Variants in HIF1A observed in about 807,000 individuals in gnomAD.
The protein encoded by HIF1A is hypoxia inducible factor 1 subunit alpha.
Under a neutral mutation model 92.7 loss-of-function variants are expected in HIF1A, and 24 were observed. The ratio of observed to expected loss-of-function variants is 0.26; its 90% confidence interval spans 0.19 to 0.36. The LOEUF is 0.36. Ranked by LOEUF, HIF1A falls within the 10% of genes least tolerant of loss-of-function variation. The pLI, the probability that HIF1A is intolerant of heterozygous loss-of-function variation, is 1.00. For synonymous variants in HIF1A, 319 were observed against 338.7 expected (o/e 0.94, Z 0.64); for missense variants, 799 against 998.5 (o/e 0.80, Z 2.69).
At position 61,736,825 on chromosome 14, in the gene HIF1A, T is replaced by A; in HGVS notation, c.1029-64T>A. On this transcript the variant is annotated intron_variant, in intron 8 of 14. Transcript: ENST00000337138. ...AATTTTTTAAGAGACCATTTCACAGTCTCCCTTCCCCTCACTGTATCAAGT... is the reference window on the plus strand; with the variant it reads ...AATTTTTTAAGAGACCATTTCACAGACTCCCTTCCCCTCACTGTATCAAGT... 2.7e-6 allele frequency: 3 copies of A among 1,127,572 alleles called. No individual in the cohort carries two copies. In the Admixed American group the frequency reaches 6.0e-5, roughly 22 times the overall value. The allele number at this position is 1,127,572 out of a possible 1,614,324, so 69.8% of individuals were successfully genotyped here. A position where few individuals can be genotyped will look rare whatever the true frequency, so the allele number is the denominator to read the frequency against.
chr14:61,733,870 T>G (rs904570755), intron 7 of HIF1A, among the ~76,000 whole-genome samples: 4 of 152,136 alleles, frequency 2.6e-5, no homozygotes, highest in Non-Finnish European at 5.9e-5. Flanking sequence ...ATTAAAGGAA[T>G]TTTAGTTACT....
rs2044804200 is a variant in HIF1A at position 61,747,157 on chromosome 14, C to G, written c.*72C>G. On this transcript the variant is annotated 3_prime_UTR_variant, in exon 15 of 15. Coordinates refer to ENST00000337138, the MANE Select transcript of HIF1A (RefSeq NM_001530.4). The stretch of plus-strand genomic sequence containing the variant: ...ACCTAAAGCAGTCTATTTATATTTT[C>G]TACATCTAATTTTAGAAGCCTGGCT... 1.5e-6 allele frequency: 2 copies of G among 1,344,130 alleles called. No homozygotes were observed. Among genetic ancestry groups the G allele is most frequent in the East Asian group, 2.4e-5 (1 of 42,250 alleles). The allele number at this position is 1,344,130 out of a possible 1,614,324, so 83.3% of individuals were successfully genotyped here. A position where few individuals can be genotyped will look rare whatever the true frequency, so the allele number is the denominator to read the frequency against.
In HIF1A at chr14:61,721,839, T is replaced by G. The variant is rs41285514; in HGVS notation, c.457+16T>G. The G allele has an allele frequency of 7.1e-5, 112 of 1,578,364 alleles. No individual in the cohort carries two copies. Among genetic ancestry groups the G allele is most frequent in the Non-Finnish European group, 9.1e-5 (104 of 1,147,924 alleles). ...CACAGAAATGGTAAGAAAAGTCTGT[T>G]GTTTGATTTAATGTGACAGGTGGTT... On this transcript the variant is annotated intron_variant, in intron 4 of 14. Coordinates refer to ENST00000337138, the MANE Select transcript of HIF1A (RefSeq NM_001530.4).
At chr14:61,745,521 A>C in intron 13 of HIF1A, 170 bp from the exon 14 acceptor site, 1 of 650,850 alleles carries the variant, frequency 1.5e-6, no homozygotes, top group South Asian at 1.8e-5. Context: ...ATTTATAGAC[A>C]GAATGGTCAT....
chr14:61,744,255 G>A (rs909610143), intron 12 of HIF1A, among the ~76,000 whole-genome samples: 34 of 152,080 alleles, frequency 2.2e-4, no homozygotes, highest in Non-Finnish European at 3.8e-4. Context: ...TGACGGCCAG[G>A]TGCTCACGCC....
chr14:61,707,356 G>C (rs924043929), intron 1 of HIF1A, among the ~76,000 whole-genome samples: 4 of 152,048 alleles, frequency 2.6e-5, no homozygotes, highest in African/African-American at 9.7e-5. Context: ...TGCACAACGT[G>C]CAGGTTAGTT....
chr14:61,738,220 A>G lies in HIF1A; in HGVS notation c.1383A>G (p.Pro461=), dbSNP rs756235414. ...TACCCACCGCTGAAACGCCAAAGCC[A>G]CTTCGAAGTAGTGCTGACCCTGCAC... The part of the protein sequence containing the change: ...SPLPTAETPK[P]LRSSADPALN... Residue 461 remains proline, a synonymous_variant, in exon 10 of 15, where the codon CCA becomes CCG. Coordinates refer to ENST00000337138, the MANE Select transcript of HIF1A (RefSeq NM_001530.4). The G allele has an allele frequency of 3.7e-6, 6 of 1,613,984 alleles. No homozygotes were observed. In the African/African-American group the frequency reaches 6.7e-5, roughly 18 times the overall value.
At chr14:61,717,144 A>T (rs2044372733) in intron 1 of HIF1A, 2 of 152,366 alleles carry the variant, frequency 1.3e-5, no homozygotes, top group Non-Finnish European at 2.9e-5. Context: ...TAAAACAAAT[A>T]GTACAGGATT....
intron 1 of HIF1A, among the ~76,000 whole-genome samples, chr14:61,704,545 C>T (rs76308410): frequency 0.086 from 13,019 of 152,184 alleles, 588 homozygotes; most frequent in Middle Eastern, 0.17. Flanking sequence ...TGTCTTTTAA[C>T]TTGTTAGCAG....
At chr14:61,745,446 T>G in intron 13 of HIF1A, 1 of 473,156 alleles carries the variant, frequency 2.1e-6, no homozygotes, top group Non-Finnish European at 3.8e-6. Flanking sequence ...AACTGCTATG[T>G]TTTGGGGTAA....
intron 1 of HIF1A, among the ~76,000 whole-genome samples, chr14:61,719,376 G>A (rs1030593378): frequency 6.6e-6 from 1 of 152,074 alleles, no homozygotes; most frequent in South Asian, 2.1e-4. Flanking sequence ...AAAACACCTG[G>A]GTTCAAATCC....
chr14:61,740,462 TG>T, intron 10 of HIF1A, 42 bp from the exon 11 acceptor site: 1 of 1,472,334 alleles, frequency 6.8e-7, no homozygotes, highest in South Asian at 1.3e-5. Context: ...GCAAAGTATA[TG>T]GAAGCTTCTT....
intron 6 of HIF1A, among the ~76,000 whole-genome samples, chr14:61,731,704 C>A (rs1594879151): frequency 6.6e-6 from 1 of 152,192 alleles, no homozygotes; most frequent in Non-Finnish European, 1.5e-5. Flanking sequence ...AGAAATGTTA[C>A]AGATTTTATC....
At chr14:61,721,013 G>A (rs1462941092) in intron 2 of HIF1A, among the ~76,000 whole-genome samples, 1 of 152,050 alleles carries the variant, frequency 6.6e-6, no homozygotes, top group South Asian at 2.1e-4. Context: ...ATGCTGAGGC[G>A]GGTGGATCAT....
chr14:61,696,201 CG>C (rs890821549), intron 1 of HIF1A, among the ~76,000 whole-genome samples: 2 of 152,270 alleles, frequency 1.3e-5, no homozygotes, highest in African/African-American at 4.8e-5. Context: ...CTGAAAACCC[CG>C]GGAAGAGAAA....
chr14:61,717,282 G>A (rs183842222), intron 1 of HIF1A, among the ~76,000 whole-genome samples: 3 of 152,264 alleles, frequency 2.0e-5, no homozygotes, highest in Admixed American at 2.0e-4. Flanking sequence ...TTTAAATGCT[G>A]AAACTCACAA....
At chr14:61,729,335 G>A (rs1187074491) in intron 6 of HIF1A, among the ~76,000 whole-genome samples, 4 of 152,030 alleles carry the variant, frequency 2.6e-5, no homozygotes, top group Admixed American at 1.3e-4. Context: ...GGGGGCACAT[G>A]TCCGTAATCC....
intron 8 of HIF1A, among the ~76,000 whole-genome samples, chr14:61,735,258 T>TA (rs1332687870): frequency 6.6e-6 from 1 of 152,214 alleles, no homozygotes; most frequent in Non-Finnish European, 1.5e-5. Context: ...ACTCACGCAT[T>TA]AGAGATTTAG....
At chr14:61,738,457 T>A (rs10138153) in intron 10 of HIF1A, 84 bp downstream of exon 10, 48 of 1,194,112 alleles carry the variant, frequency 4.0e-5, no homozygotes, top group Admixed American at 1.4e-4. Flanking sequence ...TTCAAACACT[T>A]ATTTGAACCA....
Sources: gnomAD v4.1 joint callset for allele counts (sites outside exome capture counted in the v4.1 genomes callset) on GRCh38, gnomAD v4.1.1 for gene constraint, MANE v1.5 for transcripts, NCBI Gene and HGNC (gene_info 2026-07-23, HGNC 2026-07-21) for gene names.